The following TLL1 variants were observed in gnomAD, a reference collection of about 807,000 sequenced individuals.
TLL1 encodes the protein tolloid like 1, also known as tolloid-like protein 1.
Under a neutral mutation model 128.2 loss-of-function variants are expected in TLL1, and 49 were observed. The observed-to-expected ratio is 0.38, with a 90% confidence interval of 0.30 to 0.48. TLL1 has a LOEUF of 0.48. Among genes scored for constraint, TLL1 ranks in the 20% least tolerant of loss-of-function variants. The probability of loss-of-function intolerance (pLI) is 0.96; values close to 1 mark genes in which losing one functional copy is unlikely to be tolerated. For missense variants in TLL1, 1,123 were observed against 1,242.0 expected (o/e 0.90, Z 1.44); for synonymous variants, 454 against 418.8 (o/e 1.08, Z -1.03).
intron 1 of TLL1, among the ~76,000 whole-genome samples, chr4:165,884,967 T>G (rs2110818637): frequency 6.6e-6 from 1 of 152,336 alleles, no homozygotes; most frequent in East Asian, 1.9e-4. Flanking sequence ...ACATTTGAAG[T>G]TACCGGGTTC....
intron 1 of TLL1, among the ~76,000 whole-genome samples, chr4:165,979,381 T>G (rs980102333): frequency 6.6e-6 from 1 of 152,044 alleles, no homozygotes; most frequent in South Asian, 2.1e-4. Context: ...CATTATATAT[T>G]AAATATTATG....
rs114104975 is a variant in TLL1, at chr4:165,887,560, T to A, written c.169+13487T>A. On this transcript the variant is annotated intron_variant, in intron 1 of 20. Transcript: ENST00000061240. ...TTTGTGTTTTGTAAAGCAATTGAATTTGGTTTTGAGAACCCTTTGACTTGC... is the reference window on the plus strand; with the variant it reads ...TTTGTGTTTTGTAAAGCAATTGAATATGGTTTTGAGAACCCTTTGACTTGC... Among the ~76,000 whole-genome samples the A allele has an allele frequency of 8.9e-3, 1,355 of 152,348 alleles. 22 individuals carry two copies. Among genetic ancestry groups the A allele is most frequent in the African/African-American group, 0.031 (1,274 of 41,578 alleles).
At chr4:165,877,708 C>T (rs990136085) in intron 1 of TLL1, among the ~76,000 whole-genome samples, 1 of 152,064 alleles carries the variant, frequency 6.6e-6, no homozygotes, top group African/African-American at 2.4e-5. Flanking sequence ...CTTCTCTTCT[C>T]TCCTTCTCTT....
Position 166,014,530 on chromosome 4 carries a change from G to A in TLL1, c.1012G>A (p.Ala338Thr), listed in dbSNP as rs114287070. 33 of 1,612,110 alleles carry A rather than the reference G, an allele frequency of 2.0e-5. No individual in the cohort carries two copies. In the East Asian group the frequency reaches 4.7e-4, roughly 23 times the overall value. ...QRTRLSKGDI[A>T]QARKLYRCPA... Reference sequence around the variant, plus strand: ...AACCCGTCTAAGCAAAGGAGATATCGCACAGGCAAGAAAGCTGTATAGATG... The same window carrying A: ...AACCCGTCTAAGCAAAGGAGATATCACACAGGCAAGAAAGCTGTATAGATG... Residue 338 changes from alanine to threonine, a missense_variant, in exon 8 of 21, where the codon GCA (alanine) becomes ACA (threonine). Coordinates refer to ENST00000061240, the MANE Select transcript of TLL1 (RefSeq NM_012464.5).
chr4:165,970,544 C>T (rs751286846), intron 1 of TLL1, among the ~76,000 whole-genome samples: 101 of 152,262 alleles, frequency 6.6e-4, no homozygotes, highest in Non-Finnish European at 1.1e-3. Flanking sequence ...TCACAGGAGG[C>T]ATAAGAATGC....
At chr4:166,097,622 G>T (rs117933561) in intron 19 of TLL1, among the ~76,000 whole-genome samples, 1 of 152,086 alleles carries the variant, frequency 6.6e-6, no homozygotes, top group African/African-American at 2.4e-5. Context: ...TTCCATACCC[G>T]TAATTCAGAA....
intron 19 of TLL1, among the ~76,000 whole-genome samples, chr4:166,098,291 C>T (rs994407373): frequency 9.2e-5 from 13 of 140,762 alleles, no homozygotes; most frequent in Admixed American, 2.9e-4. Context: ...CCTGAGATCA[C>T]GCCACTGCAC....
intron 1 of TLL1, among the ~76,000 whole-genome samples, chr4:165,947,601 A>G (rs1561047432): frequency 6.6e-6 from 1 of 152,140 alleles, no homozygotes; most frequent in Non-Finnish European, 1.5e-5. Context: ...ATATGATTGT[A>G]TGATTCTTCT....
At chr4:166,066,096 A>G (rs764461913) in intron 16 of TLL1, among the ~76,000 whole-genome samples, 3 of 151,726 alleles carry the variant, frequency 2.0e-5, no homozygotes, top group Non-Finnish European at 4.4e-5. Flanking sequence ...TTTTCAAAAT[A>G]ATTTTGCTTT....
At chr4:166,030,553 T>C in intron 9 of TLL1, 1 of 568,902 alleles carries the variant, frequency 1.8e-6, no homozygotes, top group Non-Finnish European at 3.2e-6. Flanking sequence ...CCTGTGCTTT[T>C]GGTGTCATAG....
chr4:165,996,023 A>T (rs1003641711), intron 5 of TLL1, among the ~76,000 whole-genome samples: 1 of 151,930 alleles, frequency 6.6e-6, no homozygotes, highest in Non-Finnish European at 1.5e-5. Flanking sequence ...GTTTTTCCTC[A>T]TTCACTATCA....
chr4:165,910,662 C>G (rs150467012), intron 1 of TLL1, among the ~76,000 whole-genome samples: 39 of 152,272 alleles, frequency 2.6e-4, no homozygotes, highest in Non-Finnish European at 5.0e-4. Flanking sequence ...CTGAAATGCT[C>G]TGATAACACT....
chr4:165,917,247 A>G (rs1421737024), intron 1 of TLL1, among the ~76,000 whole-genome samples: 2 of 152,098 alleles, frequency 1.3e-5, no homozygotes, highest in Admixed American at 1.3e-4. Context: ...GTGTTTGACT[A>G]GCATGTCATG....
At chr4:166,018,972 A>G (rs1481880979) in intron 8 of TLL1, among the ~76,000 whole-genome samples, 1 of 152,208 alleles carries the variant, frequency 6.6e-6, no homozygotes, top group Non-Finnish European at 1.5e-5. Flanking sequence ...CCAAACCAAA[A>G]TAAATTGTTC....
intron 1 of TLL1, among the ~76,000 whole-genome samples, chr4:165,877,753 C>CTTCCCTTCT (rs1730782923): frequency 6.6e-6 from 1 of 151,386 alleles, no homozygotes; most frequent in South Asian, 2.1e-4. Flanking sequence ...TTTTTACTTC[C>CTTCCCTTCT]TTCCCTTCTT....
chr4:166,057,204 C>T lies in TLL1; in HGVS notation c.1741C>T (p.Pro581Ser), dbSNP rs1740057403. 3 of 1,613,562 alleles carry T rather than the reference C, an allele frequency of 1.9e-6. No individual in the cohort carries two copies. In the Admixed American group the frequency reaches 5.0e-5, roughly 27 times the overall value. Reference protein sequence around the residue: ...FFKEEDECAKPDRGGCEQRCL... With the variant: ...FFKEEDECAKSDRGGCEQRCL... ...CATAGAGGAAGATGAGTGTGCCAAA[C>T]CTGACCGTGGAGGCTGTGAGCAGCG... is the stretch of plus-strand genomic sequence containing the variant. The change falls in exon 14 of 21, where the codon CCT becomes TCT. Residue 581 changes from proline (P) to serine (S), a missense_variant. This residue lies in a region of TLL1 where 634 missense variants were observed against 672.4 expected (regional missense o/e 0.94). Coordinates refer to ENST00000061240, the MANE Select transcript of TLL1 (RefSeq NM_012464.5).
At chr4:166,004,411 A>G (rs1737315816) in intron 6 of TLL1, among the ~76,000 whole-genome samples, 1 of 152,110 alleles carries the variant, frequency 6.6e-6, no homozygotes, top group African/African-American at 2.4e-5. Flanking sequence ...GATGCCGATT[A>G]TTTATTGAGC....
intron 1 of TLL1, among the ~76,000 whole-genome samples, chr4:165,902,011 A>C (rs1732015086): frequency 6.6e-6 from 1 of 152,122 alleles, no homozygotes; most frequent in African/African-American, 2.4e-5. Context: ...GGTTCTGCCG[A>C]GTTCGAACTT....
At chr4:165,920,823 T>G (rs1316927923) in intron 1 of TLL1, among the ~76,000 whole-genome samples, 13 of 152,218 alleles carry the variant, frequency 8.5e-5, no homozygotes, top group Admixed American at 6.5e-4. Context: ...CATAAAATTA[T>G]AATAATTTGA....
Sources: allele counts gnomAD v4.1 joint callset (sites outside exome capture counted in the v4.1 genomes callset), GRCh38; gene constraint gnomAD v4.1.1; regional missense constraint gnomAD v4.1.1; transcripts MANE v1.5; gene names NCBI Gene and HGNC (gene_info 2026-07-23, HGNC 2026-07-21).